Variants in VPS13B observed in about 807,000 individuals in gnomAD.
VPS13B encodes vacuolar protein sorting 13 homolog B, also known as intermembrane lipid transfer protein VPS13B.
A neutral mutation model predicts 426.4 loss-of-function variants in VPS13B; 285 were observed. The observed-to-expected ratio is 0.67, with a 90% CI of 0.61 to 0.74. The LOEUF (loss-of-function observed/expected upper bound fraction) is 0.74. VPS13B is among the 30% of genes least tolerant of loss of function. The probability of loss-of-function intolerance (pLI) is 0.00; values close to 1 mark genes in which losing one functional copy is unlikely to be tolerated. For synonymous variants in VPS13B, 1,676 were observed against 1,676.4 expected, an observed-to-expected ratio of 1.00 and a Z score of 0.01; for missense variants, 4,537 against 4,782.6, an observed-to-expected ratio of 0.95 and a Z score of 1.51.
chr8:99,765,718 T>C (rs1811184456), intron 39 of VPS13B, among the ~76,000 whole-genome samples: 1 of 152,242 alleles, frequency 6.6e-6, no homozygotes, highest in South Asian at 2.1e-4. Flanking sequence ...TGATTATGTA[T>C]CATTTTCTCA....
intron 44 of VPS13B, among the ~76,000 whole-genome samples, chr8:99,811,065 T>A (rs900300108): frequency 1.3e-5 from 2 of 152,212 alleles, no homozygotes; most frequent in African/African-American, 2.4e-5. Flanking sequence ...TCTGATTCTG[T>A]CACTCATGGT....
chr8:99,034,693 T>C (rs1842664140), intron 2 of VPS13B, among the ~76,000 whole-genome samples: 1 of 152,196 alleles, frequency 6.6e-6, no homozygotes, highest in African/African-American at 2.4e-5. Flanking sequence ...TTTGCTGTTT[T>C]GTTGCCTGAC....
intron 5 of VPS13B, among the ~76,000 whole-genome samples, chr8:99,109,625 C>T (rs376031933): frequency 1.5e-4 from 23 of 152,252 alleles, no homozygotes; most frequent in East Asian, 3.9e-4. Context: ...TCAAGCAATC[C>T]GCCTAGGCCT....
intron 17 of VPS13B, among the ~76,000 whole-genome samples, chr8:99,229,404 C>T (rs1218804803): frequency 6.6e-6 from 1 of 152,182 alleles, no homozygotes; most frequent in Non-Finnish European, 1.5e-5. Flanking sequence ...AATCATGCTC[C>T]TTGTAGCCAG....
chr8:99,123,121 C>T lies in VPS13B; in HGVS notation c.1206+1676C>T, dbSNP rs570722333. On this transcript the variant is annotated intron_variant, in intron 8 of 61. Coordinates refer to ENST00000357162, the MANE Select transcript of VPS13B (RefSeq NM_152564.5). ...GGGCAACAAGAGCGAAACTCTGTCT[C>T]CAAAAAAAAAAAAAAAAAAAAAAAG... is the stretch of plus-strand genomic sequence containing the variant. 1.9e-3 allele frequency among the ~76,000 whole-genome samples: 28 copies of T among 15,062 alleles called. 1 individual carries two copies. The highest frequency in any genetic ancestry group is 5.1e-3 in the African/African-American group (21 of 4,132). The allele number at this position is 15,062 out of a possible 152,430, so 9.9% of individuals were successfully genotyped here. A position where few individuals can be genotyped will look rare whatever the true frequency, so the allele number is the denominator to read the frequency against.
intron 25 of VPS13B, 48 bp downstream of exon 25, chr8:99,481,850 C>T (rs1412518997): frequency 6.3e-7 from 1 of 1,588,964 alleles, no homozygotes; most frequent in Non-Finnish European, 8.6e-7. Context: ...TAATATATAA[C>T]ACAGATTTCC....
chr8:99,160,704 G>A (rs941549469), intron 15 of VPS13B, among the ~76,000 whole-genome samples: 1 of 147,294 alleles, frequency 6.8e-6, no homozygotes, highest in African/African-American at 2.5e-5. Context: ...TTCATGTAAT[G>A]TATCAAAAGA....
chr8:99,870,124 A>G (rs1817317795), intron 59 of VPS13B, among the ~76,000 whole-genome samples: 1 of 152,120 alleles, frequency 6.6e-6, no homozygotes, highest in South Asian at 2.1e-4. Flanking sequence ...TTATTTTTTG[A>G]CTAGCCTTAG....
At chr8:99,870,911 C>T (rs1817373723) in intron 60 of VPS13B, 24 bp downstream of exon 60, 2 of 1,604,778 alleles carry the variant, frequency 1.2e-6, no homozygotes, top group Non-Finnish European at 8.5e-7. Context: ...GATACGTGCT[C>T]AACTTTACAT....
At chr8:99,804,724 G>C (rs903856423) in intron 43 of VPS13B, among the ~76,000 whole-genome samples, 6 of 152,106 alleles carry the variant, frequency 3.9e-5, no homozygotes, top group African/African-American at 7.2e-5. Context: ...GGGTTCAATA[G>C]CTCATACCTG....
chr8:99,752,354 G>A (rs1027728804), intron 39 of VPS13B, among the ~76,000 whole-genome samples: 1 of 152,128 alleles, frequency 6.6e-6, no homozygotes, highest in Non-Finnish European at 1.5e-5. Context: ...TCTAATCAAG[G>A]GATCAGCAGC....
Position 99,744,871 on chromosome 8 carries a change from A to G in VPS13B, c.7051-21903A>G, listed in dbSNP as rs189580509. On this transcript the variant is annotated intron_variant, in intron 39 of 61. Coordinates refer to ENST00000357162, the MANE Select transcript of VPS13B (RefSeq NM_152564.5). ...GCATTAGGAGATACACCCAATGTTA[A>G]ATGACGAGTTAATGGGTGCAGCACA... Among the ~76,000 whole-genome samples, 584 of 152,182 alleles carry G rather than the reference A, an allele frequency of 3.8e-3. 6 individuals are homozygous for G. Among genetic ancestry groups the G allele is most frequent in the African/African-American group, 0.012 (519 of 41,536 alleles).
chr8:99,692,422 A>G (rs1482705193), intron 35 of VPS13B, among the ~76,000 whole-genome samples: 3 of 142,846 alleles, frequency 2.1e-5, no homozygotes, highest in African/African-American at 5.4e-5. Flanking sequence ...TGGAAACTGA[A>G]CAACCTGCTC....
At chr8:99,760,996 G>A (rs1810900989) in intron 39 of VPS13B, among the ~76,000 whole-genome samples, 1 of 152,104 alleles carries the variant, frequency 6.6e-6, no homozygotes, top group Admixed American at 6.6e-5. Context: ...GTATCTGTAG[G>A]TAGTCCCAGA....
chr8:99,401,658 G>A (rs929692364), intron 21 of VPS13B, among the ~76,000 whole-genome samples: 12 of 152,178 alleles, frequency 7.9e-5, no homozygotes, highest in African/African-American at 2.9e-4. Flanking sequence ...CTGAGGTCAA[G>A]AGTTTGAGAC....
intron 17 of VPS13B, among the ~76,000 whole-genome samples, chr8:99,218,452 TAA>T (rs1815505786): frequency 6.6e-6 from 1 of 152,182 alleles, no homozygotes; most frequent in Non-Finnish European, 1.5e-5. Flanking sequence ...CACTGTAGAC[TAA>T]GAGAGGGTAA....
chr8:99,547,516 C>T (rs568278881), intron 30 of VPS13B, among the ~76,000 whole-genome samples: 6 of 151,934 alleles, frequency 3.9e-5, no homozygotes, highest in African/African-American at 1.2e-4. Context: ...AGTGAATTCC[C>T]GAGATATGCC....
chr8:99,625,552 T>TAATAATAATAATTATATA (rs1828574548), intron 33 of VPS13B, among the ~76,000 whole-genome samples: 1 of 151,930 alleles, frequency 6.6e-6, no homozygotes, highest in Non-Finnish European at 1.5e-5. Flanking sequence ...GTTTCCTATA[T>TAATAATAATAATTATATA]GTTAATAATA....
rs1378183912 is a variant in VPS13B at position 99,835,709 on chromosome 8, G to T, written c.9913G>T (p.Ala3305Ser). 6.2e-7 allele frequency: 1 copy of T among 1,614,138 alleles called. No individual in the cohort carries two copies. Among genetic ancestry groups the T allele is most frequent in the Non-Finnish European group, 8.5e-7 (1 of 1,180,020 alleles). The change falls in exon 54 of 62, where the codon GCC (alanine) becomes TCC (serine). Residue 3305 changes from alanine to serine, a missense_variant. Physicochemically the swap from Ala to Ser is moderately conservative, Grantham distance 99 (BLOSUM62 1). This residue lies in a region of VPS13B where 4,311 missense variants were observed against 4,474.3 expected (regional missense o/e 0.96). Coordinates refer to ENST00000357162, the MANE Select transcript of VPS13B (RefSeq NM_152564.5). Reference protein sequence around the residue: ...LDEVTTEWSDAIDINSQGTQV... With the variant: ...LDEVTTEWSDSIDINSQGTQV... ...TGAAGTAACAACTGAGTGGAGTGAT[G>T]CCATTGACATCAACAGTCAGGGAAC...
Sources: gnomAD v4.1 joint callset for allele counts (sites outside exome capture counted in the v4.1 genomes callset) on GRCh38, gnomAD v4.1.1 for gene constraint, gnomAD v4.1.1 regional missense constraint, MANE v1.5 for transcripts, NCBI Gene and HGNC (gene_info 2026-07-23, HGNC 2026-07-21) for gene names.